The following SYNE1 variants were observed in gnomAD, a reference collection of about 807,000 sequenced individuals.
SYNE1 encodes nesprin-1.
Under a neutral mutation model 1,111.0 loss-of-function variants are expected in SYNE1, and 616 were observed. That is an observed-to-expected ratio of 0.55 (90% CI 0.52 to 0.59). The LOEUF (loss-of-function observed/expected upper bound fraction) is 0.59. SYNE1 is among the 20% of genes least tolerant of loss of function. The pLI is 0.00. For synonymous variants in SYNE1, 3,855 were observed against 3,825.8 expected, an observed-to-expected ratio of 1.01 and a Z score of -0.28; for missense variants, 10,006 against 10,417.0, an observed-to-expected ratio of 0.96 and a Z score of 1.72.
chr6:152,589,930 CTTTTT>C (rs35508645), intron 3 of SYNE1, among the ~76,000 whole-genome samples: 1 of 134,012 alleles, frequency 7.5e-6, no homozygotes. Flanking sequence ...CTAAACATTT[CTTTTT>C]TTTTTTTTTT....
chr6:152,152,416 C>T (rs1312738395), intron 133 of SYNE1, among the ~76,000 whole-genome samples: 2 of 152,170 alleles, frequency 1.3e-5, no homozygotes, highest in Non-Finnish European at 2.9e-5. Flanking sequence ...TAGACACACA[C>T]ACATACATAC....
chr6:152,511,862 T>C (rs900829385), intron 6 of SYNE1, among the ~76,000 whole-genome samples: 2 of 152,196 alleles, frequency 1.3e-5, no homozygotes, highest in Non-Finnish European at 2.9e-5. Flanking sequence ...TGCTAATGTT[T>C]TTCATCCACT....
intron 30 of SYNE1, among the ~76,000 whole-genome samples, chr6:152,442,836 C>T (rs2098544337): frequency 6.6e-6 from 1 of 152,146 alleles, no homozygotes. Context: ...GTCCCAGCTA[C>T]TCGGAAGGCT....
At chr6:152,386,104 C>T (rs1344658294) in intron 54 of SYNE1, among the ~76,000 whole-genome samples, 1 of 152,164 alleles carries the variant, frequency 6.6e-6, no homozygotes, top group African/African-American at 2.4e-5. Context: ...GCTAACATCC[C>T]TCACTAAAAA....
chr6:152,228,047 C>G (rs2081997544), intron 115 of SYNE1, among the ~76,000 whole-genome samples: 1 of 152,086 alleles, frequency 6.6e-6, no homozygotes, highest in African/African-American at 2.4e-5. Flanking sequence ...GGAAAATACT[C>G]AAGATTTTTA....
chr6:152,497,791 T>G (rs1463215974), intron 11 of SYNE1, among the ~76,000 whole-genome samples: 1 of 152,216 alleles, frequency 6.6e-6, no homozygotes. Flanking sequence ...ACAATATTTA[T>G]AGCCCATTAG....
chr6:152,556,671 A>C lies in SYNE1; in HGVS notation c.68-16650T>G, dbSNP rs559721972. On this transcript the variant is annotated intron_variant, in intron 3 of 145. Transcript: ENST00000367255. ...TCCAAAATATCAACTCAGCCCCTAT[A>C]AGCTAAGATGATGAGAGGACCATCT... 1.6e-3 allele frequency among the ~76,000 whole-genome samples: 249 copies of C among 152,252 alleles called. 1 individual carries two copies. Among genetic ancestry groups the C allele is most frequent in the African/African-American group, 5.8e-3 (241 of 41,558 alleles).
intron 80 of SYNE1, 94 bp from the exon 81 acceptor site, chr6:152,325,396 C>T (rs758185965): frequency 6.0e-5 from 72 of 1,206,580 alleles, no homozygotes; most frequent in South Asian, 3.8e-4. Flanking sequence ...GCCCAAAATT[C>T]CTGCAAAAGG....
chr6:152,481,487 C>A, intron 14 of SYNE1: 1 of 395,460 alleles, frequency 2.5e-6, no homozygotes, highest in South Asian at 2.0e-5. Flanking sequence ...CACTAGAATC[C>A]TAATCCCCAC....
intron 130 of SYNE1, among the ~76,000 whole-genome samples, chr6:152,171,113 C>G (rs968312362): frequency 2.0e-5 from 3 of 152,296 alleles, no homozygotes; most frequent in African/African-American, 4.8e-5. Context: ...ATAAATCACC[C>G]AGTCTCGAGT....
At chr6:152,349,668 T>C (rs2096707771) in intron 72 of SYNE1, among the ~76,000 whole-genome samples, 1 of 152,226 alleles carries the variant, frequency 6.6e-6, no homozygotes, top group Non-Finnish European at 1.5e-5. Flanking sequence ...CAGAAGTGCT[T>C]GAGACTCAGA....
At chr6:152,572,221 G>A (rs1402350342) in intron 3 of SYNE1, among the ~76,000 whole-genome samples, 1 of 152,154 alleles carries the variant, frequency 6.6e-6, no homozygotes, top group East Asian at 1.9e-4. Context: ...AACAATTGAG[G>A]TAATGTTACT....
intron 93 of SYNE1, 148 bp from the exon 94 acceptor site, chr6:152,294,275 G>A (rs2094758348): frequency 1.2e-6 from 1 of 805,894 alleles, no homozygotes; most frequent in Admixed American, 2.3e-5. Flanking sequence ...AAACTCTTGT[G>A]ACAAGAAAAA....
At position 152,369,511 on chromosome 6, in the gene SYNE1, T is replaced by C. The variant is rs756236132; in HGVS notation, c.9611A>G (p.Tyr3204Cys). The change falls in exon 60 of 146, where the codon TAT (tyrosine) becomes TGT (cysteine). Residue 3204 changes from tyrosine to cysteine, a missense_variant. Physicochemically the swap from Tyr to Cys is radical, Grantham distance 194 (BLOSUM62 -2). This residue lies in a region of SYNE1 where 4,955 missense variants were observed against 5,017.2 expected (regional missense o/e 0.99). Coordinates refer to ENST00000367255, the MANE Select transcript of SYNE1 (RefSeq NM_182961.4). ...KMVHESSNRL[Y>C]DLPAKRREQQ... Reference sequence around the variant, plus strand: ...CTCCCTCCTCTTTGCTGGCAGATCATAGAGGCGATTGCTGCTTTCATGGAC... The same window carrying C: ...CTCCCTCCTCTTTGCTGGCAGATCACAGAGGCGATTGCTGCTTTCATGGAC... 6.8e-6 allele frequency: 11 copies of C among 1,614,200 alleles called. No homozygotes were observed. Among genetic ancestry groups the C allele is most frequent in the South Asian group, 1.1e-5 (1 of 91,090 alleles).
In SYNE1 at chr6:152,156,011, G is replaced by A; in HGVS notation, c.23877C>T (p.Ala7959=). ...AGTCACACTCGGCATCAGTGGCACA[G>A]GCGTCACAGTCGTGCAGCAGGACTT... ...LCEVLLHDCD[A]CATDAECDSI... The change falls in exon 132 of 146, where the codon GCC becomes GCT. Residue 7959 remains alanine, a synonymous_variant. Transcript: ENST00000367255. The A allele has an allele frequency of 6.2e-7, 1 of 1,614,208 alleles. No homozygotes were observed. Among genetic ancestry groups the A allele is most frequent in the Non-Finnish European group, 8.5e-7 (1 of 1,180,050 alleles).
Position 152,376,555 on chromosome 6 carries a change from A to C in SYNE1, c.9150T>G (p.Leu3050=), listed in dbSNP as rs780864821. 6.2e-7 allele frequency: 1 copy of C among 1,613,958 alleles called. No homozygotes were observed. The highest frequency in any genetic ancestry group is 8.5e-7 in the Non-Finnish European group (1 of 1,180,038). Residue 3050 remains leucine (L), a synonymous_variant, in exon 58 of 146, where the codon CTT becomes CTG. Coordinates refer to ENST00000367255, the MANE Select transcript of SYNE1 (RefSeq NM_182961.4). The part of the protein sequence containing the change: ...VSGLIKEYNC[L]CLQASKGCQN... ...GGCAGCCCTTGGATGCTTGCAAACAAAGACTGAAAAGGTGACGCAAAAATT... is the reference window on the plus strand; with the variant it reads ...GGCAGCCCTTGGATGCTTGCAAACACAGACTGAAAAGGTGACGCAAAAATT...
At chr6:152,462,207 A>G (rs1445622824) in intron 20 of SYNE1, among the ~76,000 whole-genome samples, 6 of 152,108 alleles carry the variant, frequency 3.9e-5, no homozygotes, top group African/African-American at 1.2e-4. Flanking sequence ...ACCCAAAGCC[A>G]ACATCTTATC....
intron 102 of SYNE1, among the ~76,000 whole-genome samples, chr6:152,256,038 G>T (rs868755812): frequency 3.9e-5 from 6 of 152,170 alleles, no homozygotes; most frequent in Non-Finnish European, 7.3e-5. Flanking sequence ...GGTGGAGGCT[G>T]CAGTGAGCTG....
intron 3 of SYNE1, among the ~76,000 whole-genome samples, chr6:152,541,933 C>T (rs2099272841): frequency 6.6e-6 from 1 of 151,494 alleles, no homozygotes; most frequent in Admixed American, 6.6e-5. Flanking sequence ...AGACATGTAA[C>T]CCCTGCACCT....
Sources: gnomAD v4.1 joint callset for allele counts (sites outside exome capture counted in the v4.1 genomes callset) on GRCh38, gnomAD v4.1.1 for gene constraint, gnomAD v4.1.1 regional missense constraint, MANE v1.5 for transcripts, NCBI Gene and HGNC (gene_info 2026-07-23, HGNC 2026-07-21) for gene names.